The following ELAVL2 variants were observed in gnomAD, a reference collection of about 807,000 sequenced individuals.
ELAVL2 encodes the protein ELAV like RNA binding protein 2.
ELAVL2 carries 4 observed loss-of-function variants against 34.6 expected under a neutral mutation model. The ratio of observed to expected loss-of-function variants is 0.12; its 90% CI spans 0.06 to 0.26. ELAVL2 has a LOEUF of 0.26. Among genes scored for constraint, ELAVL2 ranks in the 10% least tolerant of loss-of-function variants. ELAVL2 has a pLI of 1.00. For synonymous variants in ELAVL2, 193 were observed against 154.8 expected (o/e 1.25, Z -1.83); for missense variants, 432 against 442.8 (o/e 0.98, Z 0.22).
At chr9:23,742,662 A>C (rs186520576) in intron 2 of ELAVL2, among the ~76,000 whole-genome samples, 28 of 152,336 alleles carry the variant, frequency 1.8e-4, no homozygotes, top group Admixed American at 8.5e-4. Context: ...TATCAAAAAG[A>C]AAGAGCAGAA....
chr9:23,727,683 C>T (rs139952378), intron 3 of ELAVL2, among the ~76,000 whole-genome samples: 1 of 152,054 alleles, frequency 6.6e-6, no homozygotes, highest in African/African-American at 2.4e-5. Context: ...GTATTTCTAA[C>T]TCACTTCCCT....
chr9:23,812,416 T>G (rs2063132084), intron 1 of ELAVL2, among the ~76,000 whole-genome samples: 1 of 152,138 alleles, frequency 6.6e-6, no homozygotes, highest in South Asian at 2.1e-4. Flanking sequence ...GTCATTCTTA[T>G]TGCACAGTAG....
chr9:23,849,053 C>G, the ELAVL2 span, among the ~76,000 whole-genome samples: 2 of 152,168 alleles, frequency 1.3e-5, no homozygotes, highest in Non-Finnish European at 2.9e-5. Context: ...CAAAGGCTGT[C>G]TTTTACCAAA....
At chr9:23,735,655 A>G (rs2047709905) in intron 2 of ELAVL2, 1 of 152,226 alleles carries the variant, frequency 6.6e-6, no homozygotes, top group Non-Finnish European at 1.5e-5. Context: ...TTGTGTATGA[A>G]TGCCTTTTGT....
chr9:23,832,579 T>C, the ELAVL2 span, among the ~76,000 whole-genome samples: 1 of 152,222 alleles, frequency 6.6e-6, no homozygotes, highest in African/African-American at 2.4e-5. Context: ...CTTAAGTGAA[T>C]TGCAAGTTCG....
chr9:23,774,235 A>AAAGAAAG (rs1554731604), intron 1 of ELAVL2, among the ~76,000 whole-genome samples: 9 of 132,340 alleles, frequency 6.8e-5, no homozygotes, highest in African/African-American at 2.5e-4. Context: ...AAAAAAAAAA[A>AAAGAAAG]AAAGAAAGAA....
intron 2 of ELAVL2, among the ~76,000 whole-genome samples, chr9:23,758,262 A>C (rs538679774): frequency 6.6e-6 from 1 of 152,254 alleles, no homozygotes; most frequent in South Asian, 2.1e-4. Context: ...ACCTTGCTAG[A>C]GATACATTAG....
At chr9:23,714,000 A>G (rs2041687265) in intron 3 of ELAVL2, among the ~76,000 whole-genome samples, 1 of 152,220 alleles carries the variant, frequency 6.6e-6, no homozygotes, top group Non-Finnish European at 1.5e-5. Flanking sequence ...TGGAAACCTT[A>G]CAAGTATTAA....
chr9:23,759,324 A>T (rs913896417), intron 2 of ELAVL2, among the ~76,000 whole-genome samples: 7 of 151,994 alleles, frequency 4.6e-5, no homozygotes, highest in Admixed American at 4.6e-4. Flanking sequence ...GCCAAATACC[A>T]CACGATCTCA....
chr9:23,813,649 G>T (rs192702342), intron 1 of ELAVL2, among the ~76,000 whole-genome samples: 2 of 152,142 alleles, frequency 1.3e-5, no homozygotes, highest in South Asian at 2.1e-4. Context: ...AATCCCAGGG[G>T]GGGAGGAGAG....
chr9:23,821,992 G>A (rs1339883706), intron 1 of ELAVL2: 1 of 151,658 alleles, frequency 6.6e-6, no homozygotes, highest in Non-Finnish European at 1.5e-5. Context: ...CCGGGCTTCA[G>A]CAGCTCAGCT....
intron 3 of ELAVL2, among the ~76,000 whole-genome samples, chr9:23,724,606 C>T (rs2044603989): frequency 6.6e-6 from 1 of 152,150 alleles, no homozygotes; most frequent in Non-Finnish European, 1.5e-5. Context: ...ATAAAAAAGT[C>T]ATCTGTGACT....
chr9:23,758,241 A>G (rs569420269), intron 2 of ELAVL2, among the ~76,000 whole-genome samples: 1 of 152,176 alleles, frequency 6.6e-6, no homozygotes, highest in African/African-American at 2.4e-5. Flanking sequence ...AGCTCCACAA[A>G]TTCTTTCAAA....
In ELAVL2 at chr9:23,807,455, T is replaced by C. The variant is rs574499667; in HGVS notation, c.-16+18351A>G. 3.3e-5 allele frequency among the ~76,000 whole-genome samples: 5 copies of C among 152,290 alleles called. No individual in the cohort carries two copies. The South Asian group carries it at 1.0e-3, about 32-fold the overall frequency. On this transcript the variant is annotated intron_variant, in intron 1 of 6. Coordinates refer to ENST00000397312, the MANE Select transcript of ELAVL2 (RefSeq NM_004432.5). ...CTCCACAGAAGCCACTGACATTTTT[T>C]TAAAAAGTATTTTTCGACACTCTTA...
intron 1 of ELAVL2, among the ~76,000 whole-genome samples, chr9:23,798,934 A>G (rs2061278598): frequency 6.6e-6 from 1 of 152,198 alleles, no homozygotes; most frequent in African/African-American, 2.4e-5. Context: ...TCATTTAATC[A>G]AGACTTAACA....
intron 2 of ELAVL2, among the ~76,000 whole-genome samples, chr9:23,747,400 G>C (rs1305833801): frequency 6.6e-6 from 1 of 152,096 alleles, no homozygotes; most frequent in Non-Finnish European, 1.5e-5. Context: ...TGCAGAAAGC[G>C]AAACTGTTGA....
chr9:23,730,982 T>C (rs971248533), intron 3 of ELAVL2, 40 bp downstream of exon 3: 15 of 1,563,716 alleles, frequency 9.6e-6, no homozygotes, highest in African/African-American at 2.7e-5. Context: ...TTTTTTAAAC[T>C]TCTGTTCCGC....
chr9:23,829,581 C>T, upstream of ELAVL2: 1 of 152,066 alleles, frequency 6.6e-6, no homozygotes, highest in East Asian at 1.9e-4. Context: ...ATGGTTCATA[C>T]TATTGGAAAT....
chr9:23,798,199 T>G (rs2137519203), intron 1 of ELAVL2, among the ~76,000 whole-genome samples: 1 of 152,336 alleles, frequency 6.6e-6, no homozygotes, highest in South Asian at 2.1e-4. Context: ...TCTGCAAGGT[T>G]ATTTATCTGA....
Sources: allele counts gnomAD v4.1 joint callset (sites outside exome capture counted in the v4.1 genomes callset), GRCh38; gene constraint gnomAD v4.1.1; transcripts MANE v1.5; gene names NCBI Gene and HGNC (gene_info 2026-07-23, HGNC 2026-07-21).